The following KIF18A variants were observed in gnomAD, a reference collection of about 807,000 sequenced individuals.
KIF18A encodes the protein kinesin family member 18A.
Under a neutral mutation model 103.3 loss-of-function variants are expected in KIF18A, and 67 were observed. The observed-to-expected ratio is 0.65, with a 90% confidence interval of 0.53 to 0.79. The LOEUF is 0.79. Among genes scored for constraint, KIF18A ranks in the 30% least tolerant of loss-of-function variants. The pLI, the probability that KIF18A is intolerant of heterozygous loss-of-function variation, is 0.00. For synonymous variants in KIF18A, 367 were observed against 355.5 expected (o/e 1.03, Z -0.36); for missense variants, 1,032 against 1,062.5 (o/e 0.97, Z 0.40).
At chr11:28,093,000 C>T (rs550484975) in intron 3 of KIF18A, among the ~76,000 whole-genome samples, 67 of 152,100 alleles carry the variant, frequency 4.4e-4, no homozygotes, top group Non-Finnish European at 8.1e-4. Flanking sequence ...TCAGCCACAC[C>T]CCAGACCTAC....
chr11:28,101,662 T>C (rs1416647433), intron 1 of KIF18A, among the ~76,000 whole-genome samples: 1 of 152,184 alleles, frequency 6.6e-6, no homozygotes, highest in Non-Finnish European at 1.5e-5. Context: ...GAACTACAAG[T>C]GTTTGCTATT....
chr11:28,102,189 G>A (rs910216551), intron 1 of KIF18A, among the ~76,000 whole-genome samples: 2 of 152,128 alleles, frequency 1.3e-5, no homozygotes, highest in Admixed American at 6.5e-5. Flanking sequence ...TTAGCTCTGC[G>A]GAGAAACATT....
At chr11:28,084,930 T>C (rs932388437) in intron 6 of KIF18A, 122 bp from the exon 7 acceptor site, 20 of 654,904 alleles carry the variant, frequency 3.1e-5, no homozygotes, top group Admixed American at 1.1e-4. Context: ...ACTGAAGGTA[T>C]AAACTGTTTC....
chr11:28,064,186 A>G (rs1308729085), intron 11 of KIF18A, among the ~76,000 whole-genome samples: 4 of 151,814 alleles, frequency 2.6e-5, no homozygotes, highest in Non-Finnish European at 4.4e-5. Context: ...AATTCATTAT[A>G]CTTCAAGAAA....
chr11:28,103,163 G>C (rs753640873), intron 1 of KIF18A, among the ~76,000 whole-genome samples: 1 of 151,912 alleles, frequency 6.6e-6, no homozygotes, highest in African/African-American at 2.4e-5. Flanking sequence ...TACTTCCAAC[G>C]TGATTATTCA....
rs142828194 is a variant in KIF18A, at chr11:28,063,507, C to G, written c.1591-991G>C. ...AATGTTTTTTTGCAGGCTCCATTTT[C>G]CTAAGCCTCATCTGTCTAGGGCCAG... On this transcript the variant is annotated intron_variant, in intron 11 of 16. Transcript: ENST00000263181. Among the ~76,000 whole-genome samples, 164 of 152,086 alleles carry G rather than the reference C, an allele frequency of 1.1e-3. No homozygotes were observed. In the East Asian group the frequency reaches 0.027, roughly 25 times the overall value.
intron 13 of KIF18A, among the ~76,000 whole-genome samples, chr11:28,039,974 T>C (rs1472033107): frequency 6.6e-6 from 1 of 151,710 alleles, no homozygotes; most frequent in Non-Finnish European, 1.5e-5. Flanking sequence ...CTTAGGCTGA[T>C]TAGTTGCTTA....
chr11:28,066,316 T>C (rs1226009748), intron 11 of KIF18A, among the ~76,000 whole-genome samples: 1 of 151,976 alleles, frequency 6.6e-6, no homozygotes, highest in Admixed American at 6.6e-5. Context: ...AAACACTCAT[T>C]TGGCCAGGGT....
chr11:28,083,366 C>G, intron 7 of KIF18A, 123 bp from the exon 8 acceptor site: 1 of 1,077,596 alleles, frequency 9.3e-7, no homozygotes, highest in Non-Finnish European at 1.2e-6. Context: ...GATAATTATG[C>G]TCACATTTAA....
intron 13 of KIF18A, among the ~76,000 whole-genome samples, chr11:28,047,000 G>A (rs1014149328): frequency 6.4e-5 from 9 of 139,946 alleles, no homozygotes; most frequent in African/African-American, 2.3e-4. Context: ...GTTGCAGTGA[G>A]CCTAGGTCAT....
intron 13 of KIF18A, among the ~76,000 whole-genome samples, chr11:28,053,490 T>A (rs1850737816): frequency 6.6e-6 from 1 of 152,014 alleles, no homozygotes; most frequent in Non-Finnish European, 1.5e-5. Flanking sequence ...TAATCTTTTT[T>A]TAATTTTATT....
intron 11 of KIF18A, among the ~76,000 whole-genome samples, chr11:28,066,731 C>T (rs1354523609): frequency 1.3e-5 from 2 of 150,750 alleles, no homozygotes; most frequent in African/African-American, 2.4e-5. Context: ...AACAGATTCT[C>T]AAAGGCATCT....
At chr11:28,088,836 T>A in intron 5 of KIF18A, 115 bp from the exon 6 acceptor site, 1 of 778,878 alleles carries the variant, frequency 1.3e-6, no homozygotes, top group Non-Finnish European at 2.1e-6. Context: ...AAAAAACAAC[T>A]GAACAAGGTA....
At chr11:28,031,556 AG>A (rs1274884771) in intron 15 of KIF18A, among the ~76,000 whole-genome samples, 1 of 152,058 alleles carries the variant, frequency 6.6e-6, no homozygotes, top group African/African-American at 2.4e-5. Flanking sequence ...GCAGAGGGAA[AG>A]CATTAGGAGA....
chr11:28,070,023 C>G (rs957703193), intron 10 of KIF18A, among the ~76,000 whole-genome samples: 1 of 152,048 alleles, frequency 6.6e-6, no homozygotes, highest in African/African-American at 2.4e-5. Context: ...TAAAATTAGT[C>G]TTTGATTTCT....
rs758931975 is a variant in KIF18A at position 28,036,318 on chromosome 11, G to T, written c.2295C>A (p.Asp765Glu). 1.2e-6 allele frequency: 2 copies of T among 1,610,466 alleles called. No homozygotes were observed. Among genetic ancestry groups the T allele is most frequent in the Non-Finnish European group, 1.7e-6 (2 of 1,177,620 alleles). The part of the protein sequence containing the change: ...HNRRKECGQE[D>E]LDSTFTICED... ...CACATATAGTAAATGTAGAGTCCAA[G>T]TCCTCCTGTCCACATTCTTTTCTTC... The change falls in exon 14 of 17, where the codon GAC becomes GAA. Residue 765 changes from aspartate to glutamate, a missense_variant. Physicochemically the swap from Asp to Glu is conservative, Grantham distance 45. Transcript: ENST00000263181.
At chr11:28,084,528 A>G in intron 7 of KIF18A, 104 bp downstream of exon 7, 2 of 918,838 alleles carry the variant, frequency 2.2e-6, no homozygotes, top group South Asian at 3.8e-5. Flanking sequence ...TCAGCTGCCT[A>G]ACTCATTATG....
At position 28,029,128 on chromosome 11, in the gene KIF18A, G is replaced by A. The variant is rs371437588; in HGVS notation, c.2505-5278C>T. 6.1e-4 allele frequency among the ~76,000 whole-genome samples: 93 copies of A among 152,256 alleles called. No homozygotes were observed. The South Asian group carries it at 0.019, about 31-fold the overall frequency. ...AAGAGGAGCTGGTACCATTCCTTCTGAAACTATTTCAATCTATAGAAAAAG... is the reference window on the plus strand; with the variant it reads ...AAGAGGAGCTGGTACCATTCCTTCTAAAACTATTTCAATCTATAGAAAAAG... On this transcript the variant is annotated intron_variant, in intron 15 of 16. Coordinates refer to ENST00000263181, the MANE Select transcript of KIF18A (RefSeq NM_031217.4).
chr11:28,093,337 A>G (rs1851327413), intron 3 of KIF18A, among the ~76,000 whole-genome samples: 1 of 152,214 alleles, frequency 6.6e-6, no homozygotes, highest in Non-Finnish European at 1.5e-5. Flanking sequence ...AGAAATTTTT[A>G]GCAACATATA....
Sources: allele counts gnomAD v4.1 joint callset (sites outside exome capture counted in the v4.1 genomes callset), GRCh38; gene constraint gnomAD v4.1.1; transcripts MANE v1.5; gene names NCBI Gene and HGNC (gene_info 2026-07-23, HGNC 2026-07-21).